CEP128: variants seen among roughly 807,000 people sequenced by gnomAD.
CEP128 encodes centrosomal protein 128kDa.
Under a neutral mutation model 156.7 loss-of-function variants are expected in CEP128, and 132 were observed. That is an observed-to-expected ratio of 0.84 (90% confidence interval 0.73 to 0.97). The LOEUF is 0.97. Ranked by LOEUF, CEP128 falls within the 50% of genes least tolerant of loss-of-function variation. The pLI, the probability that CEP128 is intolerant of heterozygous loss-of-function variation, is 0.00. For missense variants in CEP128, 1,252 were observed against 1,281.9 expected (o/e 0.98, Z 0.36); for synonymous variants, 469 against 448.9 (o/e 1.04, Z -0.57).
intron 8 of CEP128, among the ~76,000 whole-genome samples, chr14:80,886,638 A>G (rs1287308000): frequency 6.6e-6 from 1 of 152,222 alleles, no homozygotes; most frequent in African/African-American, 2.4e-5. Flanking sequence ...AGCACTAAAT[A>G]TGGAAAGGAA....
intron 19 of CEP128, among the ~76,000 whole-genome samples, chr14:80,659,596 T>G (rs1326292100): frequency 6.6e-6 from 1 of 152,186 alleles, no homozygotes; most frequent in African/African-American, 2.4e-5. Context: ...CTTTAAAAGT[T>G]TGAAGTTATT....
intron 19 of CEP128, among the ~76,000 whole-genome samples, chr14:80,735,298 T>A (rs966402681): frequency 6.6e-6 from 1 of 152,208 alleles, no homozygotes; most frequent in East Asian, 1.9e-4. Context: ...TCATAATCCA[T>A]GTAACTTCTT....
chr14:80,898,475 C>T lies in CEP128; in HGVS notation c.572+1463G>A, dbSNP rs567832743. Among the ~76,000 whole-genome samples, 5 of 152,226 alleles carry T rather than the reference C, an allele frequency of 3.3e-5. No homozygotes were observed. In the East Asian group the frequency reaches 9.7e-4, roughly 29 times the overall value. ...AAGACTATTACCAGATCTTACAAGC[C>T]TAGAGATCACAAAAACTATTACCAG... is the stretch of plus-strand genomic sequence containing the variant. On this transcript the variant is annotated intron_variant, in intron 7 of 24. Transcript: ENST00000555265.
intron 19 of CEP128, among the ~76,000 whole-genome samples, chr14:80,623,971 G>C (rs1056582559): frequency 3.9e-5 from 6 of 152,124 alleles, no homozygotes; most frequent in Non-Finnish European, 8.8e-5. Context: ...AAAATATACA[G>C]TAAGTTATTG....
At chr14:80,605,630 A>T (rs541642745) in intron 19 of CEP128, among the ~76,000 whole-genome samples, 1 of 152,100 alleles carries the variant, frequency 6.6e-6, no homozygotes, top group Non-Finnish European at 1.5e-5. Flanking sequence ...GGATTTTTTC[A>T]CAAATGGATT....
At chr14:80,944,681 G>A (rs1238620181), upstream of CEP128, among the ~76,000 whole-genome samples, 2 of 151,686 alleles carry the variant, frequency 1.3e-5, no homozygotes, top group Non-Finnish European at 2.9e-5. Flanking sequence ...AATTAGCCAG[G>A]TGTGGCGGCG....
chr14:80,826,769 CT>C (rs1324248384), intron 13 of CEP128, among the ~76,000 whole-genome samples: 2 of 151,910 alleles, frequency 1.3e-5, no homozygotes, highest in African/African-American at 4.8e-5. Flanking sequence ...TTGTTTTTTC[CT>C]TTCTTTGAAG....
chr14:80,869,792 A>AT (rs1200417296), intron 8 of CEP128, among the ~76,000 whole-genome samples: 1 of 151,912 alleles, frequency 6.6e-6, no homozygotes, highest in Non-Finnish European at 1.5e-5. Flanking sequence ...CCCAGGAGTT[A>AT]TTTTTTTCTG....
intron 19 of CEP128, among the ~76,000 whole-genome samples, chr14:80,619,002 G>C (rs1467734281): frequency 6.6e-6 from 1 of 152,192 alleles, no homozygotes; most frequent in African/African-American, 2.4e-5. Flanking sequence ...GAGATGATAA[G>C]AAACACATTT....
Position 80,700,101 on chromosome 14 carries a change from T to C in CEP128, c.2806+42974A>G, listed in dbSNP as rs141529425. On this transcript the variant is annotated intron_variant, in intron 19 of 24. Transcript: ENST00000555265. ...TTCTTGGGTATACGTGGCTTTATCA[T>C]TCAATACTATAACGCTAGTGAAAGG... is the stretch of plus-strand genomic sequence containing the variant. Among the ~76,000 whole-genome samples the C allele has an allele frequency of 2.6e-3, 399 of 152,268 alleles. 3 individuals carry two copies. The highest frequency in any genetic ancestry group is 9.3e-3 in the African/African-American group (385 of 41,566).
At position 80,668,018 on chromosome 14, in the gene CEP128, C is replaced by T. The variant is rs375888853; in HGVS notation, c.2806+75057G>A. Among the ~76,000 whole-genome samples the T allele has an allele frequency of 2.1e-3, 326 of 152,150 alleles. 1 individual carries two copies. Among genetic ancestry groups the T allele is most frequent in the African/African-American group, 7.5e-3 (312 of 41,508 alleles). ...AGTGATGCTGATGATGGTGTCATTC[C>T]TGATGATAATAGTAAACAGTATTTA... On this transcript the variant is annotated intron_variant, in intron 19 of 24. Coordinates refer to ENST00000555265, the MANE Select transcript of CEP128 (RefSeq NM_152446.5).
chr14:80,798,769 T>C (rs1338895478), intron 13 of CEP128, among the ~76,000 whole-genome samples: 1 of 152,192 alleles, frequency 6.6e-6, no homozygotes, highest in African/African-American at 2.4e-5. Context: ...ACCACACAGG[T>C]GGCAACAATA....
chr14:80,696,992 G>C (rs1896914007), intron 19 of CEP128, among the ~76,000 whole-genome samples: 1 of 152,118 alleles, frequency 6.6e-6, no homozygotes, highest in South Asian at 2.1e-4. Flanking sequence ...AGGAGGTTAA[G>C]AGGTAATGCT....
At chr14:80,889,713 T>C (rs1195231753) in intron 8 of CEP128, among the ~76,000 whole-genome samples, 1 of 152,152 alleles carries the variant, frequency 6.6e-6, no homozygotes, top group African/African-American at 2.4e-5. Flanking sequence ...GACTTAGGCA[T>C]GGGTAAAGAC....
At chr14:80,924,728 A>T (rs1885055084) in intron 2 of CEP128, among the ~76,000 whole-genome samples, 1 of 150,912 alleles carries the variant, frequency 6.6e-6, no homozygotes, top group Admixed American at 6.6e-5. Flanking sequence ...CTATGGTTTC[A>T]TGGGGGTTTT....
intron 19 of CEP128, among the ~76,000 whole-genome samples, chr14:80,644,776 C>G (rs1427533139): frequency 6.6e-6 from 1 of 152,038 alleles, no homozygotes; most frequent in African/African-American, 2.4e-5. Context: ...GTCATGACAA[C>G]TGGCCTTAAT....
At chr14:80,875,919 A>G (rs995514816) in intron 8 of CEP128, among the ~76,000 whole-genome samples, 5 of 152,168 alleles carry the variant, frequency 3.3e-5, no homozygotes, top group Non-Finnish European at 7.4e-5. Context: ...AATGTCTTCT[A>G]AGGCTCAATT....
intron 2 of CEP128, among the ~76,000 whole-genome samples, chr14:80,956,227 G>A (rs144721732): frequency 1.9e-4 from 29 of 152,286 alleles, no homozygotes; most frequent in African/African-American, 7.0e-4. Flanking sequence ...CTTACCTTGG[G>A]TAATAAAAAA....
At chr14:80,678,223 C>T (rs904007336) in intron 19 of CEP128, among the ~76,000 whole-genome samples, 6 of 151,770 alleles carry the variant, frequency 4.0e-5, no homozygotes, top group Non-Finnish European at 8.8e-5. Flanking sequence ...CTTTCTATTA[C>T]TTTTTTCTTA....
Sources: gnomAD v4.1 joint callset for allele counts (sites outside exome capture counted in the v4.1 genomes callset) on GRCh38, gnomAD v4.1.1 for gene constraint, MANE v1.5 for transcripts, NCBI Gene and HGNC (gene_info 2026-07-23, HGNC 2026-07-21) for gene names.